The following USP43 variants were observed in gnomAD, a reference collection of about 807,000 sequenced individuals.
USP43 encodes ubiquitin specific peptidase 43.
Under a neutral mutation model 90.7 loss-of-function variants are expected in USP43, and 33 were observed. The ratio of observed to expected loss-of-function variants is 0.36; its 90% CI spans 0.28 to 0.49. The LOEUF is 0.49. Ranked by LOEUF, USP43 falls within the 20% of genes least tolerant of loss-of-function variation. The pLI is 0.98. For missense variants in USP43, 1,274 were observed against 1,476.4 expected, an observed-to-expected ratio of 0.86 and a Z score of 2.25; for synonymous variants, 598 against 615.8, an observed-to-expected ratio of 0.97 and a Z score of 0.43.
At position 9,656,395 on chromosome 17, in the gene USP43, C is replaced by T. The variant is rs767795557; in HGVS notation, c.505-8C>T. The T allele has an allele frequency of 6.2e-7, 1 of 1,606,196 alleles. No homozygotes were observed. The highest frequency in any genetic ancestry group is 1.1e-5 in the South Asian group (1 of 89,262). On this transcript the variant is annotated splice_region_variant and splice_polypyrimidine_tract_variant and intron_variant, in intron 1 of 14. Transcript: ENST00000285199. ...AATTCACCTCTCGATTTCCTTTTTTCCTTTCAGAATGCAGTTTCCAAGTAC... is the reference window on the plus strand; with the variant it reads ...AATTCACCTCTCGATTTCCTTTTTTTCTTTCAGAATGCAGTTTCCAAGTAC...
rs951176303 is a variant in USP43 at position 9,685,321 on chromosome 17, C to T, written c.1242-1477C>T. On this transcript the variant is annotated intron_variant, in intron 7 of 14. Transcript: ENST00000285199. ...CCACGGCAGAGTTAGGGCCCATAGGCGCAGGCTCACCCAGCATTCTGTACA... is the reference window on the plus strand; with the variant it reads ...CCACGGCAGAGTTAGGGCCCATAGGTGCAGGCTCACCCAGCATTCTGTACA... Among the ~76,000 whole-genome samples the T allele has an allele frequency of 5.3e-5, 8 of 152,202 alleles. No homozygotes were observed. The South Asian group carries it at 6.2e-4, about 12-fold the overall frequency.
intron 12 of USP43, among the ~76,000 whole-genome samples, chr17:9,702,962 C>T (rs1915661341): frequency 6.6e-6 from 1 of 152,188 alleles, no homozygotes; most frequent in Admixed American, 6.5e-5. Context: ...GCCACCAAAG[C>T]CGCTTTCAGC....
intron 3 of USP43, among the ~76,000 whole-genome samples, chr17:9,670,211 G>C (rs1309581458): frequency 2.6e-5 from 4 of 151,700 alleles, no homozygotes; most frequent in Non-Finnish European, 5.9e-5. Flanking sequence ...GCAAATTTTT[G>C]TATTTTTAGT....
intron 14 of USP43, among the ~76,000 whole-genome samples, chr17:9,717,490 C>T (rs1161518337): frequency 6.6e-6 from 1 of 152,002 alleles, no homozygotes; most frequent in Non-Finnish European, 1.5e-5. Context: ...TTTTGTTCAG[C>T]GGTCATTTTG....
chr17:9,675,021 T>C (rs1483659109), intron 4 of USP43, 38 bp downstream of exon 4: 2 of 1,565,896 alleles, frequency 1.3e-6, no homozygotes, highest in East Asian at 4.5e-5. Context: ...GAACTTGACT[T>C]CCATCCTTAC....
chr17:9,651,894 A>T (rs1911886922), intron 1 of USP43, among the ~76,000 whole-genome samples: 2 of 152,246 alleles, frequency 1.3e-5, no homozygotes, highest in Non-Finnish European at 2.9e-5. Flanking sequence ...TATTACTGTC[A>T]TTCATGATAC....
chr17:9,694,979 A>G (rs915143155), intron 9 of USP43, among the ~76,000 whole-genome samples: 6 of 152,190 alleles, frequency 3.9e-5, no homozygotes, highest in Admixed American at 6.5e-5. Flanking sequence ...CAAACCATCA[A>G]ACTGGTCTTT....
intron 14 of USP43, among the ~76,000 whole-genome samples, chr17:9,725,349 T>C (rs952117270): frequency 6.6e-6 from 1 of 152,056 alleles, no homozygotes; most frequent in East Asian, 1.9e-4. Flanking sequence ...CCAGAGTTAG[T>C]GCCCAGGGGT....
rs111267026 is a variant in USP43 at position 9,693,868 on chromosome 17, C to T, written c.1457+638C>T. Among the ~76,000 whole-genome samples the T allele has an allele frequency of 3.1e-3, 473 of 152,096 alleles. 3 individuals carry two copies. The highest frequency in any genetic ancestry group is 4.8e-3 in the Non-Finnish European group (329 of 67,962). ...ACAAAAACAAAAACAAACCAAAACA[C>T]GAAATTCTTTCAATTAGGTCATGCT... On this transcript the variant is annotated intron_variant, in intron 9 of 14. Coordinates refer to ENST00000285199, the MANE Select transcript of USP43 (RefSeq NM_153210.5).
intron 14 of USP43, 109 bp downstream of exon 14, chr17:9,712,241 C>G (rs1916244610): frequency 3.1e-6 from 4 of 1,304,740 alleles, no homozygotes; most frequent in Middle Eastern, 2.1e-4. Context: ...AAGGGTCCAT[C>G]ATTACGAGAG....
chr17:9,724,309 G>A (rs1052891379), intron 14 of USP43, among the ~76,000 whole-genome samples: 22 of 152,264 alleles, frequency 1.4e-4, no homozygotes, highest in African/African-American at 5.3e-4. Context: ...TTGGGGGGTA[G>A]GCTTGTCCCA....
chr17:9,727,692 G>A (rs1917344596), intron 14 of USP43, among the ~76,000 whole-genome samples: 1 of 152,154 alleles, frequency 6.6e-6, no homozygotes, highest in Non-Finnish European at 1.5e-5. Context: ...GCTTTGCCAG[G>A]TGTCTGTGCT....
Position 9,709,886 on chromosome 17 carries a change from T to A in USP43, c.2012-70T>A. 7.4e-7 allele frequency: 1 copy of A among 1,348,482 alleles called. No homozygotes were observed. Among genetic ancestry groups the A allele is most frequent in the Non-Finnish European group, 9.6e-7 (1 of 1,039,936 alleles). The allele number at this position is 1,348,482 out of a possible 1,614,324, so 83.5% of individuals were successfully genotyped here. On this transcript the variant is annotated intron_variant, in intron 12 of 14. Transcript: ENST00000285199. The surrounding 1 kb of genome is among the most constrained non-coding windows in gnomAD (Gnocchi z 5.0). The stretch of plus-strand genomic sequence containing the variant: ...TTTAAACATACCGCTTTTTCAGCTA[T>A]GCCAGTGGGAAATGTCTTCCTACCT...
chr17:9,686,823 G>C lies in USP43; in HGVS notation c.1267G>C (p.Glu423Gln). The C allele has an allele frequency of 1.2e-6, 2 of 1,613,916 alleles. No individual in the cohort carries two copies. The highest frequency in any genetic ancestry group is 1.7e-6 in the Non-Finnish European group (2 of 1,179,862). ...GTTTGGGCCACCCTTCCTGATAAGG[G>C]AAGACAGAGCTGTTTCCTGGGCCCA... is the stretch of plus-strand genomic sequence containing the variant. The part of the protein sequence containing the change: ...SRFGPPFLIR[E>Q]DRAVSWAQLQ... The change falls in exon 8 of 15, where the codon GAA becomes CAA. Residue 423 changes from glutamate to glutamine, a missense_variant. Glu to Gln is a conservative substitution (Grantham distance 29). Around this residue, in one of 6 missense-constraint regions of USP43, gnomAD observed 253 missense variants for 276.0 expected, o/e 0.92. Transcript: ENST00000285199. The surrounding 1 kb of genome is among the most constrained non-coding windows in gnomAD (Gnocchi z 5.5).
At chr17:9,720,120 G>C (rs1015553203) in intron 14 of USP43, among the ~76,000 whole-genome samples, 7 of 151,714 alleles carry the variant, frequency 4.6e-5, no homozygotes, top group Non-Finnish European at 8.8e-5. Flanking sequence ...GAGGTCAGGA[G>C]TTTCTCAATA....
intron 8 of USP43, among the ~76,000 whole-genome samples, chr17:9,689,747 G>A (rs1319018682): frequency 6.6e-6 from 1 of 152,076 alleles, no homozygotes; most frequent in African/African-American, 2.4e-5. Context: ...TGTAAACGGG[G>A]GTGTGTGAGG....
chr17:9,658,821 T>C (rs1912442185), intron 2 of USP43, among the ~76,000 whole-genome samples: 1 of 152,252 alleles, frequency 6.6e-6, no homozygotes, highest in South Asian at 2.1e-4. Context: ...CAACAGGTCT[T>C]TGACTATGTC....
chr17:9,697,750 C>T (rs745371369), intron 9 of USP43, among the ~76,000 whole-genome samples: 7 of 151,824 alleles, frequency 4.6e-5, no homozygotes, highest in Non-Finnish European at 8.8e-5. Context: ...GATGGATACC[C>T]GGGTTGACTC....
chr17:9,717,583 G>A (rs991160585), intron 14 of USP43, among the ~76,000 whole-genome samples: 4 of 152,070 alleles, frequency 2.6e-5, no homozygotes, highest in African/African-American at 4.8e-5. Flanking sequence ...CCATGTCTGC[G>A]TGGGTTTTCT....
Sources: gnomAD v4.1 joint callset for allele counts (sites outside exome capture counted in the v4.1 genomes callset) on GRCh38, gnomAD v4.1.1 for gene constraint, gnomAD v4.1.1 regional missense constraint, Gnocchi (gnomAD v3.1) non-coding constraint, MANE v1.5 for transcripts, NCBI Gene and HGNC (gene_info 2026-07-23, HGNC 2026-07-21) for gene names.